Variants in CARF observed in about 807,000 individuals in gnomAD.
CARF encodes the protein calcium-responsive transcription factor.
A neutral mutation model predicts 82.0 loss-of-function variants in CARF; 57 were observed. The observed-to-expected ratio is 0.70, with a 90% confidence interval of 0.56 to 0.87. The LOEUF is 0.87. Ranked by LOEUF, CARF falls within the 40% of genes least tolerant of loss-of-function variation. The pLI, the probability that CARF is intolerant of heterozygous loss-of-function variation, is 0.00. For synonymous variants in CARF, 268 were observed against 290.1 expected, an observed-to-expected ratio of 0.92 and a Z score of 0.77; for missense variants, 771 against 855.8, an observed-to-expected ratio of 0.90 and a Z score of 1.24.
At chr2:202,928,789 G>A (rs1049058327) in intron 3 of CARF, among the ~76,000 whole-genome samples, 3 of 151,884 alleles carry the variant, frequency 2.0e-5, no homozygotes, top group Admixed American at 6.6e-5. Flanking sequence ...TCATTCTATC[G>A]TCCAGGCTGG....
chr2:202,983,951 G>T lies in CARF; in HGVS notation c.*327G>T. On this transcript the variant is annotated 3_prime_UTR_variant, in exon 17 of 17. Transcript: ENST00000438828. Reference sequence around the variant, plus strand: ...CTTATCCTTGGAAATATTCAATTTTGGTTATTACAAAACAGAAAAGAACAA... The same window carrying T: ...CTTATCCTTGGAAATATTCAATTTTTGTTATTACAAAACAGAAAAGAACAA... 5.3e-6 allele frequency: 1 copy of T among 189,630 alleles called. No individual in the cohort carries two copies. The highest frequency in any genetic ancestry group is 6.2e-5 in the Admixed American group (1 of 16,182). 11.7% of individuals were successfully genotyped at this position (189,630 alleles called of 1,614,324 possible).
At chr2:202,931,655 G>A (rs186994955) in intron 3 of CARF, among the ~76,000 whole-genome samples, 1 of 152,254 alleles carries the variant, frequency 6.6e-6, no homozygotes, top group Admixed American at 6.5e-5. Context: ...GTCAGGAAGG[G>A]TGTAGTGTCT....
At chr2:202,950,522 TC>T (rs558759513) in intron 5 of CARF, among the ~76,000 whole-genome samples, 149 of 152,328 alleles carry the variant, frequency 9.8e-4, no homozygotes, top group Middle Eastern at 3.4e-3. Context: ...CCTTTTAATG[TC>T]CAGCAGGGTT....
At chr2:202,955,634 A>T (rs371105546) in intron 7 of CARF, 40 bp from the exon 8 acceptor site, 2 of 1,455,952 alleles carry the variant, frequency 1.4e-6, no homozygotes, top group South Asian at 1.2e-5. Context: ...TTGTGTGTTC[A>T]TTGAACTGCA....
intron 3 of CARF, among the ~76,000 whole-genome samples, chr2:202,926,222 C>T (rs1051044933): frequency 3.3e-5 from 5 of 152,132 alleles, no homozygotes; most frequent in Admixed American, 3.3e-4. Flanking sequence ...TGGACCTCAG[C>T]CCACCCTTAA....
At chr2:202,925,048 G>A (rs1691540365) in intron 3 of CARF, 1 of 415,304 alleles carries the variant, frequency 2.4e-6, no homozygotes. Context: ...GAGCAACATG[G>A]ACAGCATGTT....
intron 15 of CARF, 101 bp from the exon 16 acceptor site, chr2:202,981,969 CTT>C (rs1401891530): frequency 4.8e-6 from 6 of 1,257,936 alleles, no homozygotes; most frequent in East Asian, 2.4e-5. Context: ...TAACCATACT[CTT>C]TTTATTTGTT....
rs1362239283 is a variant in CARF at position 202,986,394 on chromosome 2, A to G, written c.*2770A>G. On this transcript the variant is annotated 3_prime_UTR_variant, in exon 17 of 17. Transcript: ENST00000438828. ...TAACAGCTCTACAGCAAAGTTTGAC[A>G]TGTTTTTTGTGTGTGTCATGTATTG... The G allele has an allele frequency of 6.6e-6, 1 of 152,110 alleles. No homozygotes were observed. Among genetic ancestry groups the G allele is most frequent in the Non-Finnish European group, 1.5e-5 (1 of 67,958 alleles). The allele number at this position is 152,110 out of a possible 1,614,324, so 9.4% of individuals were successfully genotyped here. A position where few individuals can be genotyped will look rare whatever the true frequency, so the allele number is the denominator to read the frequency against.
intron 3 of CARF, among the ~76,000 whole-genome samples, chr2:202,933,913 AG>A (rs1693443918): frequency 6.6e-6 from 1 of 151,950 alleles, no homozygotes; most frequent in Non-Finnish European, 1.5e-5. Context: ...CTATACAAAC[AG>A]GGAACACAGC....
chr2:202,914,297 T>C (rs1483075130), intron 1 of CARF, among the ~76,000 whole-genome samples: 1 of 152,172 alleles, frequency 6.6e-6, no homozygotes, highest in Non-Finnish European at 1.5e-5. Flanking sequence ...AATGCCACAG[T>C]GTGATAGGAT....
chr2:202,927,191 T>C (rs916284945), intron 3 of CARF, among the ~76,000 whole-genome samples: 5 of 152,190 alleles, frequency 3.3e-5, no homozygotes, highest in Admixed American at 2.6e-4. Context: ...TTTGTGGCGT[T>C]GTTGACATCT....
chr2:202,914,957 T>A lies in CARF; in HGVS notation c.-330+1855T>A, dbSNP rs180748288. Among the ~76,000 whole-genome samples, 160 of 152,152 alleles carry A rather than the reference T, an allele frequency of 1.1e-3. 2 individuals carry two copies. Among genetic ancestry groups the A allele is most frequent in the African/African-American group, 3.4e-3 (141 of 41,522 alleles). On this transcript the variant is annotated intron_variant, in intron 1 of 16. Transcript: ENST00000438828. ...CTGAAAATTAAAAAGTGCTTTTTTTTATTTTTTTATTTTTTGAGTTGGAGG... is the reference window on the plus strand; with the variant it reads ...CTGAAAATTAAAAAGTGCTTTTTTTAATTTTTTTATTTTTTGAGTTGGAGG...
intron 3 of CARF, 86 bp from the exon 4 acceptor site, chr2:202,941,774 T>C: frequency 1.6e-6 from 1 of 616,426 alleles, no homozygotes; most frequent in Non-Finnish European, 2.9e-6. Context: ...GGTACCACAG[T>C]AGTGAATATG....
At chr2:202,942,593 C>CA in intron 4 of CARF, 147 bp from the exon 5 acceptor site, 1 of 1,016,890 alleles carries the variant, frequency 9.8e-7, no homozygotes, top group Non-Finnish European at 1.3e-6. Context: ...TTAAGAAATA[C>CA]TTTCTGTGTA....
chr2:202,934,822 T>C (rs1020590005), intron 3 of CARF, among the ~76,000 whole-genome samples: 7 of 151,762 alleles, frequency 4.6e-5, no homozygotes, highest in Non-Finnish European at 8.8e-5. Context: ...ACATCTGTAA[T>C]CCCAGCACTT....
Position 202,955,679 on chromosome 2 carries a change from T to C in CARF, c.563T>C (p.Leu188Pro). 6.2e-7 allele frequency: 1 copy of C among 1,605,434 alleles called. No homozygotes were observed. The highest frequency in any genetic ancestry group is 8.5e-7 in the Non-Finnish European group (1 of 1,175,616). The change falls in exon 8 of 17, where the codon CTG (leucine) becomes CCG (proline). Residue 188 changes from leucine (L) to proline (P), a missense_variant. Transcript: ENST00000438828. ...ATATTCCTCTCCTATCCCAGAATGCTGGAAGAACCCCTTCTGGGGCCTCTT... is the reference window on the plus strand; with the variant it reads ...ATATTCCTCTCCTATCCCAGAATGCCGGAAGAACCCCTTCTGGGGCCTCTT... ...PLPKKSVTGM[L>P]EEPLLGPLQP...
At chr2:202,954,689 G>T (rs563393518) in intron 7 of CARF, among the ~76,000 whole-genome samples, 116 of 150,168 alleles carry the variant, frequency 7.7e-4, no homozygotes, top group African/African-American at 2.7e-3. Context: ...TCCAGCCTGG[G>T]TGACAGAGCG....
chr2:202,942,435 A>G (rs1451763301), intron 4 of CARF: 2 of 188,706 alleles, frequency 1.1e-5, no homozygotes, highest in Admixed American at 6.5e-5. Context: ...ATTTAATATT[A>G]TAATACAGAA....
chr2:202,975,328 C>A (rs2059980824), intron 13 of CARF, among the ~76,000 whole-genome samples: 1 of 152,186 alleles, frequency 6.6e-6, no homozygotes, highest in South Asian at 2.1e-4. Flanking sequence ...CCTGTAGTCC[C>A]AGCTACTCTG....
Sources: gnomAD v4.1 joint callset for allele counts (sites outside exome capture counted in the v4.1 genomes callset) on GRCh38, gnomAD v4.1.1 for gene constraint, MANE v1.5 for transcripts, NCBI Gene and HGNC (gene_info 2026-07-23, HGNC 2026-07-21) for gene names.